The following TMEM117 variants were observed in gnomAD, a reference collection of about 807,000 sequenced individuals.
The protein encoded by TMEM117 is transmembrane protein 117.
Under a neutral mutation model 52.4 loss-of-function variants are expected in TMEM117, and 27 were observed. The observed-to-expected ratio is 0.51, with a 90% CI of 0.38 to 0.71. The LOEUF (loss-of-function observed/expected upper bound fraction) is 0.71, where lower values mean the gene tolerates loss of function less well. TMEM117 is among the 30% of genes least tolerant of loss of function. The pLI is 0.00. For synonymous variants in TMEM117, 215 were observed against 206.3 expected (o/e 1.04, Z -0.36); for missense variants, 556 against 630.5 (o/e 0.88, Z 1.26).
intron 3 of TMEM117, among the ~76,000 whole-genome samples, chr12:43,980,876 G>T (rs921946419): frequency 6.6e-6 from 1 of 152,190 alleles, no homozygotes; most frequent in African/African-American, 2.4e-5. Flanking sequence ...CAAAGGCTTG[G>T]AGCAAACACA....
intron 2 of TMEM117, among the ~76,000 whole-genome samples, chr12:43,922,460 T>A (rs1944710895): frequency 1.3e-5 from 2 of 152,190 alleles, no homozygotes; most frequent in Admixed American, 6.5e-5. Context: ...ATAATGTAAA[T>A]ATTTATGTGC....
At chr12:44,135,535 A>G (rs766657083) in intron 3 of TMEM117, among the ~76,000 whole-genome samples, 5 of 152,218 alleles carry the variant, frequency 3.3e-5, no homozygotes, top group Non-Finnish European at 7.4e-5. Flanking sequence ...AATTGTTTCA[A>G]CAGGAATATG....
chr12:44,298,781 T>C (rs1258938523), intron 5 of TMEM117, among the ~76,000 whole-genome samples: 2 of 151,004 alleles, frequency 1.3e-5, no homozygotes, highest in Middle Eastern at 3.4e-3. Context: ...ATATGTCCTA[T>C]GAGAACAGGC....
intron 3 of TMEM117, among the ~76,000 whole-genome samples, chr12:44,126,350 G>C (rs1948324629): frequency 6.6e-6 from 1 of 152,112 alleles, no homozygotes; most frequent in African/African-American, 2.4e-5. Context: ...TGTATACAAT[G>C]CTTGGTTTAG....
chr12:44,380,020 CT>C (rs1951998307), intron 7 of TMEM117, among the ~76,000 whole-genome samples: 2 of 152,216 alleles, frequency 1.3e-5, no homozygotes, highest in Admixed American at 1.3e-4. Context: ...ATCCACCCTT[CT>C]GTCAAGCATG....
intron 2 of TMEM117, among the ~76,000 whole-genome samples, chr12:43,923,878 A>G (rs2137562583): frequency 6.6e-6 from 1 of 152,250 alleles, no homozygotes; most frequent in East Asian, 1.9e-4. Flanking sequence ...AATAGTCAGC[A>G]GTGTTTAATT....
chr12:43,801,521 T>C, the TMEM117 span, among the ~76,000 whole-genome samples: 1 of 152,212 alleles, frequency 6.6e-6, no homozygotes, highest in South Asian at 2.1e-4. Flanking sequence ...ATTAATTCTG[T>C]CTATTGTTCT....
At chr12:43,958,109 A>AT (rs1945338021) in intron 3 of TMEM117, among the ~76,000 whole-genome samples, 1 of 152,176 alleles carries the variant, frequency 6.6e-6, no homozygotes, top group African/African-American at 2.4e-5. Flanking sequence ...AGCACTTGTT[A>AT]TTTTGTGATG....
chr12:44,050,207 C>T (rs1436153489), intron 3 of TMEM117, among the ~76,000 whole-genome samples: 8 of 152,204 alleles, frequency 5.3e-5, no homozygotes, highest in South Asian at 4.1e-4. Flanking sequence ...GACGGAGTCT[C>T]ATTCTGTCAC....
chr12:44,331,368 G>C (rs1251739559), intron 6 of TMEM117, among the ~76,000 whole-genome samples: 1 of 151,902 alleles, frequency 6.6e-6, no homozygotes, highest in East Asian at 1.9e-4. Context: ...GATCCTCTGA[G>C]AGCTTTGTCA....
chr12:44,154,322 A>G (rs1948796088), intron 4 of TMEM117, among the ~76,000 whole-genome samples: 1 of 152,096 alleles, frequency 6.6e-6, no homozygotes, highest in Non-Finnish European at 1.5e-5. Flanking sequence ...CACAAAAAGA[A>G]AGTAGGACAC....
At chr12:44,250,535 A>G (rs1950184401) in intron 5 of TMEM117, among the ~76,000 whole-genome samples, 1 of 152,224 alleles carries the variant, frequency 6.6e-6, no homozygotes, top group South Asian at 2.1e-4. Context: ...AGACACATGC[A>G]CACATATGTT....
the TMEM117 span, among the ~76,000 whole-genome samples, chr12:43,828,053 C>A: frequency 6.6e-6 from 1 of 152,138 alleles, no homozygotes; most frequent in African/African-American, 2.4e-5. Flanking sequence ...ATCCTACTGG[C>A]ACAGATAATT....
intron 1 of TMEM117, among the ~76,000 whole-genome samples, chr12:43,837,556 A>G (rs906381433): frequency 4.6e-5 from 7 of 152,146 alleles, no homozygotes; most frequent in Non-Finnish European, 2.9e-5. Flanking sequence ...CATGTTGGTC[A>G]GGCTGGTCTC....
intron 6 of TMEM117, among the ~76,000 whole-genome samples, chr12:44,305,737 A>G (rs902316574): frequency 5.3e-5 from 8 of 152,224 alleles, no homozygotes; most frequent in African/African-American, 1.9e-4. Flanking sequence ...ACCACTGTGG[A>G]AAGCAGTTTG....
chr12:43,952,716 C>G (rs1945244152), intron 3 of TMEM117, among the ~76,000 whole-genome samples: 1 of 152,128 alleles, frequency 6.6e-6, no homozygotes, highest in Non-Finnish European at 1.5e-5. Context: ...TGGAAAAACA[C>G]ACTTCAGGAT....
At chr12:43,991,241 G>A (rs1386484206) in intron 3 of TMEM117, among the ~76,000 whole-genome samples, 1 of 152,080 alleles carries the variant, frequency 6.6e-6, no homozygotes, top group Non-Finnish European at 1.5e-5. Context: ...TTATAAAGTC[G>A]TCGGAATGTT....
intron 6 of TMEM117, among the ~76,000 whole-genome samples, chr12:44,308,566 A>ATATT (rs1197465487): frequency 6.6e-6 from 1 of 151,976 alleles, no homozygotes; most frequent in Non-Finnish European, 1.5e-5. Flanking sequence ...GTGATGCTAA[A>ATATT]TGCAAGCTAT....
intron 3 of TMEM117, among the ~76,000 whole-genome samples, chr12:44,022,513 CAT>C (rs1946471185): frequency 6.6e-6 from 1 of 152,108 alleles, no homozygotes; most frequent in Admixed American, 6.6e-5. Context: ...GTTTCTAATG[CAT>C]AGACATGCAT....
Sources: gnomAD v4.1 joint callset for allele counts (sites outside exome capture counted in the v4.1 genomes callset) on GRCh38, gnomAD v4.1.1 for gene constraint, MANE v1.5 for transcripts, NCBI Gene and HGNC (gene_info 2026-07-23, HGNC 2026-07-21) for gene names.